PTTG1IP: variants seen among roughly 807,000 people sequenced by gnomAD.
PTTG1IP encodes pituitary tumor-transforming gene 1 protein-interacting protein.
A neutral mutation model predicts 24.4 loss-of-function variants in PTTG1IP; 16 were observed. That is an observed-to-expected ratio of 0.66 (90% CI 0.44 to 1.00). The LOEUF is 1.00. Among genes scored for constraint, PTTG1IP ranks in the 50% least tolerant of loss-of-function variants. The probability of loss-of-function intolerance (pLI) is 0.00; values close to 1 mark genes in which losing one functional copy is unlikely to be tolerated. For missense variants in PTTG1IP, 241 were observed against 245.8 expected, an observed-to-expected ratio of 0.98 and a Z score of 0.13; for synonymous variants, 89 against 96.8, an observed-to-expected ratio of 0.92 and a Z score of 0.47.
intron 3 of PTTG1IP, among the ~76,000 whole-genome samples, chr21:44,860,004 A>G (rs967166846): frequency 1.3e-5 from 2 of 152,238 alleles, no homozygotes; most frequent in African/African-American, 4.8e-5. Flanking sequence ...CCTGAAGCCT[A>G]AAAGATTAAT....
At chr21:44,852,505 T>C (rs1601241048) in intron 5 of PTTG1IP, among the ~76,000 whole-genome samples, 1 of 152,142 alleles carries the variant, frequency 6.6e-6, no homozygotes, top group Non-Finnish European at 1.5e-5. Context: ...ACAATCTGTA[T>C]TGTACACTAA....
At chr21:44,864,750 G>C (rs1417879436) in intron 2 of PTTG1IP, among the ~76,000 whole-genome samples, 1 of 152,184 alleles carries the variant, frequency 6.6e-6, no homozygotes, top group Non-Finnish European at 1.5e-5. Context: ...CCCCACCACG[G>C]GTGCTCCTTC....
At chr21:44,859,012 A>G (rs2083470041) in intron 3 of PTTG1IP, among the ~76,000 whole-genome samples, 1 of 152,172 alleles carries the variant, frequency 6.6e-6, no homozygotes, top group African/African-American at 2.4e-5. Flanking sequence ...CTCCACCCCT[A>G]CACTCCTCCA....
At position 44,851,565 on chromosome 21, in the gene PTTG1IP, G is replaced by A; in HGVS notation, c.*16C>T. On this transcript the variant is annotated 3_prime_UTR_variant, in exon 6 of 6. Coordinates refer to ENST00000330938, the MANE Select transcript of PTTG1IP (RefSeq NM_004339.4). ...GCACCTCACAGGAAGCGTCGGGACT[G>A]ATGTGCTGGAGCGCTTTAGTTGTTT... is the stretch of plus-strand genomic sequence containing the variant. 2 of 1,611,402 alleles carry A rather than the reference G, an allele frequency of 1.2e-6. No homozygotes were observed. Among genetic ancestry groups the A allele is most frequent in the Non-Finnish European group, 1.7e-6 (2 of 1,177,588 alleles).
chr21:44,860,460 A>G (rs535615734), intron 3 of PTTG1IP, among the ~76,000 whole-genome samples: 45 of 80,834 alleles, frequency 5.6e-4, no homozygotes, highest in African/African-American at 4.1e-3. Context: ...AAAGATACGC[A>G]CACAAAAAAA....
intron 1 of PTTG1IP, among the ~76,000 whole-genome samples, chr21:44,868,348 T>C (rs193131292): frequency 6.6e-6 from 1 of 152,286 alleles, no homozygotes; most frequent in East Asian, 1.9e-4. Flanking sequence ...CTCCTAGCTC[T>C]GTCTGCTGAA....
At chr21:44,855,123 T>A (rs1423675344) in intron 5 of PTTG1IP, 87 bp downstream of exon 5, 1 of 1,397,042 alleles carries the variant, frequency 7.2e-7, no homozygotes, top group East Asian at 2.3e-5. Context: ...CACAGCCCCA[T>A]CTCAGGCCAC....
intron 3 of PTTG1IP, among the ~76,000 whole-genome samples, chr21:44,857,563 C>A (rs1221578681): frequency 6.6e-6 from 1 of 152,240 alleles, no homozygotes; most frequent in African/African-American, 2.4e-5. Flanking sequence ...TAGATTACCG[C>A]ATGATTCACT....
rs114929926 is a variant in PTTG1IP at position 44,859,095 on chromosome 21, G to A, written c.277+2068C>T. Among the ~76,000 whole-genome samples, 463 of 152,388 alleles carry A rather than the reference G, an allele frequency of 3.0e-3. 5 individuals carry two copies. The highest frequency in any genetic ancestry group is 0.011 in the African/African-American group (449 of 41,590). On this transcript the variant is annotated intron_variant, in intron 3 of 5. Transcript: ENST00000330938. ...ACCAGAAGGACCCAGGCGTCCCTGA[G>A]TGGCAGCATGGCTGAACAGCTGTAG...
chr21:44,859,798 G>A (rs948112038), intron 3 of PTTG1IP, among the ~76,000 whole-genome samples: 6 of 152,060 alleles, frequency 3.9e-5, no homozygotes, highest in Non-Finnish European at 8.8e-5. Flanking sequence ...GAATTCTCTA[G>A]GGCCTCAACA....
chr21:44,850,943 A>G lies in PTTG1IP; in HGVS notation c.*638T>C, dbSNP rs2083405926. The G allele has an allele frequency of 6.4e-6, 1 of 156,056 alleles. No homozygotes were observed. Among genetic ancestry groups the G allele is most frequent in the Non-Finnish European group, 1.4e-5 (1 of 70,806 alleles). 9.7% of individuals were successfully genotyped at this position (156,056 alleles called of 1,614,324 possible). ...GGTTTTCTGGTGAAATCTTTTAAGC[A>G]GGGAGGAAAATCCAATAAATTTTTT... On this transcript the variant is annotated 3_prime_UTR_variant, in exon 6 of 6. Coordinates refer to ENST00000330938, the MANE Select transcript of PTTG1IP (RefSeq NM_004339.4).
At chr21:44,864,082 C>T (rs995142417) in intron 2 of PTTG1IP, among the ~76,000 whole-genome samples, 7 of 152,340 alleles carry the variant, frequency 4.6e-5, no homozygotes, top group East Asian at 1.9e-4. Context: ...ACCTCATTGC[C>T]GGGGAAAGGA....
chr21:44,854,467 G>A (rs916462916), intron 5 of PTTG1IP, among the ~76,000 whole-genome samples: 68 of 112,510 alleles, frequency 6.0e-4, no homozygotes, highest in African/African-American at 1.6e-3. Flanking sequence ...AACCCAGCGC[G>A]GGAGACGCCC....
chr21:44,855,209 C>T lies in PTTG1IP; in HGVS notation c.496+1G>A. 1.2e-6 allele frequency: 2 copies of T among 1,609,664 alleles called. No individual in the cohort carries two copies. The highest frequency in any genetic ancestry group is 2.2e-5 in the East Asian group (1 of 44,862). ...AAAAAGGAGGCGTGACCAGTCCTTA[C>T]CATATTTTTTTCTGATTTCATCATG... On this transcript the variant is annotated splice_donor_variant, in intron 5 of 5. Coordinates refer to ENST00000330938, the MANE Select transcript of PTTG1IP (RefSeq NM_004339.4). LOFTEE classifies it high-confidence loss of function.
intron 1 of PTTG1IP, among the ~76,000 whole-genome samples, chr21:44,870,525 C>A (rs1326491712): frequency 9.4e-4 from 72 of 76,952 alleles, no homozygotes; most frequent in East Asian, 1.7e-3. Flanking sequence ...GACTCCATCT[C>A]AAAAAAAAAA....
intron 1 of PTTG1IP, among the ~76,000 whole-genome samples, chr21:44,868,338 C>T (rs1296978877): frequency 2.0e-5 from 3 of 152,190 alleles, no homozygotes; most frequent in Non-Finnish European, 2.9e-5. Flanking sequence ...TAAAATTCAA[C>T]TCCTAGCTCT....
At chr21:44,868,101 C>T (rs1213216668) in intron 1 of PTTG1IP, among the ~76,000 whole-genome samples, 1 of 152,226 alleles carries the variant, frequency 6.6e-6, no homozygotes, top group Non-Finnish European at 1.5e-5. Flanking sequence ...AGGCTGTATT[C>T]AGCCCCAGGG....
chr21:44,860,535 A>C (rs920765620), intron 3 of PTTG1IP, among the ~76,000 whole-genome samples: 1 of 152,202 alleles, frequency 6.6e-6, no homozygotes, highest in Non-Finnish European at 1.5e-5. Context: ...GGGAATTCAC[A>C]GGTGAGTTTC....
intron 5 of PTTG1IP, among the ~76,000 whole-genome samples, chr21:44,853,267 G>C (rs2146451889): frequency 6.6e-6 from 1 of 152,298 alleles, no homozygotes; most frequent in Non-Finnish European, 1.5e-5. Context: ...CAGCACTCTG[G>C]GAGGCCGAGG....
Sources: allele counts gnomAD v4.1 joint callset (sites outside exome capture counted in the v4.1 genomes callset), GRCh38; gene constraint gnomAD v4.1.1; transcripts MANE v1.5; gene names NCBI Gene and HGNC (gene_info 2026-07-23, HGNC 2026-07-21).